Variants in COL24A1 observed in about 807,000 individuals in gnomAD.
COL24A1 encodes the protein collagen type XXIV alpha 1 chain.
A neutral mutation model predicts 253.9 loss-of-function variants in COL24A1; 224 were observed. That is an observed-to-expected ratio of 0.88 (90% CI 0.79 to 0.99). The LOEUF is 0.99. Ranked by LOEUF, COL24A1 falls within the 50% of genes least tolerant of loss-of-function variation. The pLI is 0.00. For synonymous variants in COL24A1, 685 were observed against 673.7 expected (o/e 1.02, Z -0.26); for missense variants, 2,131 against 2,068.5 (o/e 1.03, Z -0.59).
At chr1:85,730,845 C>T (rs1663404322) in intron 59 of COL24A1, among the ~76,000 whole-genome samples, 153 bp from the exon 60 acceptor site, 1 of 152,138 alleles carries the variant, frequency 6.6e-6, no homozygotes, top group Admixed American at 6.5e-5. Flanking sequence ...GGTAAAATTA[C>T]TATTATTAGT....
intron 43 of COL24A1, among the ~76,000 whole-genome samples, chr1:85,829,031 C>A (rs547143370): frequency 2.0e-5 from 3 of 152,284 alleles, no homozygotes; most frequent in African/African-American, 7.2e-5. Flanking sequence ...ATGGTCTTTA[C>A]AATTTGGCAT....
chr1:85,764,261 A>G (rs1253639884), intron 53 of COL24A1, among the ~76,000 whole-genome samples: 1 of 152,132 alleles, frequency 6.6e-6, no homozygotes, highest in Non-Finnish European at 1.5e-5. Flanking sequence ...TAGGGGGACA[A>G]ATGGCTCCTG....
chr1:86,001,859 G>A (rs914279391), intron 19 of COL24A1, among the ~76,000 whole-genome samples: 2 of 152,086 alleles, frequency 1.3e-5, no homozygotes, highest in Non-Finnish European at 2.9e-5. Flanking sequence ...ACTTTCAAGG[G>A]ATGACCTGAT....
chr1:86,028,686 C>T (rs576551589), intron 14 of COL24A1, among the ~76,000 whole-genome samples: 3 of 152,324 alleles, frequency 2.0e-5, no homozygotes, highest in African/African-American at 7.2e-5. Flanking sequence ...TAGCCATTTC[C>T]TTTTCTGTAG....
At chr1:85,999,030 T>C (rs1695140554) in intron 19 of COL24A1, among the ~76,000 whole-genome samples, 1 of 152,228 alleles carries the variant, frequency 6.6e-6, no homozygotes, top group Non-Finnish European at 1.5e-5. Context: ...TCTCCGATTC[T>C]GACAATTTTG....
At chr1:85,828,118 T>G (rs1418048481) in intron 43 of COL24A1, among the ~76,000 whole-genome samples, 1 of 152,120 alleles carries the variant, frequency 6.6e-6, no homozygotes, top group African/African-American at 2.4e-5. Context: ...TCTGGTATGT[T>G]GTGTCTTTGT....
chr1:85,969,378 G>A lies in COL24A1; in HGVS notation c.2463+849C>T, dbSNP rs370787333. ...CCAGCACTTTGGGAGGCCGAGGTGGGTGGATCACCTGAGGCCAGGAGTTCA... is the reference window on the plus strand; with the variant it reads ...CCAGCACTTTGGGAGGCCGAGGTGGATGGATCACCTGAGGCCAGGAGTTCA... On this transcript the variant is annotated intron_variant, in intron 22 of 59. Coordinates refer to ENST00000370571, the MANE Select transcript of COL24A1 (RefSeq NM_152890.7). 6.2e-4 allele frequency among the ~76,000 whole-genome samples: 94 copies of A among 152,062 alleles called. No homozygotes were observed. In the East Asian group the frequency reaches 0.012, roughly 20 times the overall value.
At chr1:85,921,756 T>C (rs1217866445) in intron 24 of COL24A1, among the ~76,000 whole-genome samples, 1 of 152,094 alleles carries the variant, frequency 6.6e-6, no homozygotes, top group East Asian at 1.9e-4. Context: ...GAGTGCCTCT[T>C]CCCCTCCAAA....
At position 86,037,831 on chromosome 1, in the gene COL24A1, G is replaced by T. The variant is rs1014356702; in HGVS notation, c.1951-3908C>A. ...AAATCTTCTTTAGAGAATATATAAT[G>T]TCTTATTTCCAAATTTTACCATAGG... On this transcript the variant is annotated intron_variant, in intron 12 of 59. Transcript: ENST00000370571. Among the ~76,000 whole-genome samples the T allele has an allele frequency of 2.0e-5, 3 of 152,142 alleles. 1 individual carries two copies. The highest frequency in any genetic ancestry group is 4.1e-4 in the South Asian group (2 of 4,822).
chr1:86,125,462 T>G lies in COL24A1; in HGVS notation c.874A>C (p.Asn292His). ...DTFTEGKSIP[N>H]IIKNDSETVY... The stretch of plus-strand genomic sequence containing the variant: ...GTTTCAGAATCATTTTTTATGATAT[T>G]TGGAATGCTTTTGCCTTCAGTAAAT... Residue 292 changes from asparagine (N) to histidine (H), a missense_variant, in exon 3 of 60, where the codon AAT (asparagine) becomes CAT (histidine). By Grantham distance (68) the Asn-to-His change is moderately conservative (BLOSUM62 1). Transcript: ENST00000370571. The G allele has an allele frequency of 6.2e-7, 1 of 1,613,654 alleles. No individual in the cohort carries two copies. The highest frequency in any genetic ancestry group is 1.1e-5 in the South Asian group (1 of 91,078).
At position 85,764,404 on chromosome 1, in the gene COL24A1, T is replaced by C. The variant is rs149501533; in HGVS notation, c.4375-2838A>G. On this transcript the variant is annotated intron_variant, in intron 53 of 59. Transcript: ENST00000370571. ...GACTGCAAATAAGAACATAAACTCT[T>C]CAAGTTGTCATGCGGGTGACAGCTG... is the stretch of plus-strand genomic sequence containing the variant. Among the ~76,000 whole-genome samples the C allele has an allele frequency of 2.1e-4, 31 of 150,564 alleles. No individual in the cohort carries two copies. The East Asian group carries it at 5.3e-3, about 26-fold the overall frequency.
intron 19 of COL24A1, among the ~76,000 whole-genome samples, chr1:85,989,663 T>C (rs1278462856): frequency 6.6e-6 from 1 of 152,046 alleles, no homozygotes; most frequent in Non-Finnish European, 1.5e-5. Flanking sequence ...GATTTGGTGG[T>C]CTCTATTTAT....
At chr1:86,085,872 G>T (rs1374164723) in intron 7 of COL24A1, among the ~76,000 whole-genome samples, 2 of 151,924 alleles carry the variant, frequency 1.3e-5, no homozygotes, top group Admixed American at 1.3e-4. Context: ...GGATAAAAGG[G>T]GAAAAAGAAA....
chr1:86,017,323 G>T, intron 18 of COL24A1, 119 bp from the exon 19 acceptor site: 3 of 918,496 alleles, frequency 3.3e-6, no homozygotes, highest in Non-Finnish European at 3.1e-6. Context: ...GTCAAACAAG[G>T]TTGTAATGAC....
chr1:85,817,088 TA>T (rs753214554), intron 46 of COL24A1, among the ~76,000 whole-genome samples, 193 bp from the exon 47 acceptor site: 25 of 152,216 alleles, frequency 1.6e-4, no homozygotes, highest in Non-Finnish European at 2.6e-4. Flanking sequence ...TAAAAGCCTT[TA>T]AAAGTTCCCC....
chr1:85,937,017 A>G (rs1018995941), intron 24 of COL24A1, among the ~76,000 whole-genome samples: 5 of 147,378 alleles, frequency 3.4e-5, no homozygotes, highest in Admixed American at 2.7e-4. Context: ...TGAGCAACAC[A>G]GAGGCACAAG....
chr1:85,783,451 G>T, intron 51 of COL24A1, 45 bp downstream of exon 51: 2 of 1,551,598 alleles, frequency 1.3e-6, no homozygotes, highest in Non-Finnish European at 1.8e-6. Context: ...CCTGCAGTAA[G>T]CAAAGAACCA....
intron 24 of COL24A1, among the ~76,000 whole-genome samples, chr1:85,937,172 G>T (rs1034444246): frequency 4.1e-5 from 6 of 147,688 alleles, no homozygotes; most frequent in African/African-American, 1.5e-4. Flanking sequence ...TCTTACGTAG[G>T]TGCAAACTGA....
intron 5 of COL24A1, among the ~76,000 whole-genome samples, chr1:86,096,844 T>C (rs1269700244): frequency 6.6e-6 from 1 of 152,238 alleles, no homozygotes; most frequent in Non-Finnish European, 1.5e-5. Flanking sequence ...TCTTAGTCAA[T>C]TCACATTCCC....
Sources: allele counts gnomAD v4.1 joint callset (sites outside exome capture counted in the v4.1 genomes callset), GRCh38; gene constraint gnomAD v4.1.1; transcripts MANE v1.5; gene names NCBI Gene and HGNC (gene_info 2026-07-23, HGNC 2026-07-21).